The following XPR1 variants were observed in gnomAD, a reference collection of about 807,000 sequenced individuals.
The protein encoded by XPR1 is solute carrier family 53 member 1.
Under a neutral mutation model 87.5 loss-of-function variants are expected in XPR1, and 28 were observed. The observed-to-expected ratio is 0.32, with a 90% CI of 0.24 to 0.44. The LOEUF (loss-of-function observed/expected upper bound fraction) is 0.44, where lower values mean the gene tolerates loss of function less well. Ranked by LOEUF, XPR1 falls within the 20% of genes least tolerant of loss-of-function variation. The pLI is 1.00. For missense variants in XPR1, 559 were observed against 862.3 expected (o/e 0.65, Z 4.41); for synonymous variants, 300 against 306.1 (o/e 0.98, Z 0.21).
rs1015913889 is a variant in XPR1 at position 180,886,184 on chromosome 1, A to C, written c.*2118A>C. On this transcript the variant is annotated 3_prime_UTR_variant, in exon 15 of 15. Coordinates refer to ENST00000367590, the MANE Select transcript of XPR1 (RefSeq NM_004736.4). The stretch of plus-strand genomic sequence containing the variant: ...TTAAAGGTTGCATTATTTATACTTG[A>C]GATTTTTTTCCCCTAACTATTCTGT... 1 of 152,182 alleles carries C rather than the reference A, an allele frequency of 6.6e-6. No homozygotes were observed. The highest frequency in any genetic ancestry group is 2.4e-5 in the African/African-American group (1 of 41,440). The allele number at this position is 152,182 out of a possible 1,614,324, so 9.4% of individuals were successfully genotyped here.
intron 2 of XPR1, among the ~76,000 whole-genome samples, chr1:180,717,690 C>T (rs6692550): frequency 0.034 from 5,239 of 152,152 alleles, 137 homozygotes; most frequent in African/African-American, 0.072. Flanking sequence ...TTTAGTGGCA[C>T]GCTGGAACTG....
At chr1:180,701,445 A>G (rs1657327882) in intron 2 of XPR1, among the ~76,000 whole-genome samples, 1 of 129,022 alleles carries the variant, frequency 7.8e-6, no homozygotes. Flanking sequence ...GAATTTTGTC[A>G]AAGGCTTTTT....
chr1:180,648,234 GTA>G (rs1206564406), intron 1 of XPR1, among the ~76,000 whole-genome samples: 1 of 152,200 alleles, frequency 6.6e-6, no homozygotes, highest in Non-Finnish European at 1.5e-5. Flanking sequence ...GTATTTGTGT[GTA>G]TATCTCTCAT....
chr1:180,635,344 A>G (rs931091595), intron 1 of XPR1, among the ~76,000 whole-genome samples: 3 of 152,220 alleles, frequency 2.0e-5, no homozygotes, highest in African/African-American at 7.2e-5. Context: ...TAAAATTTAG[A>G]ATTAGTGACT....
intron 1 of XPR1, among the ~76,000 whole-genome samples, chr1:180,674,893 A>C (rs1158176731): frequency 6.6e-6 from 1 of 152,160 alleles, no homozygotes; most frequent in Non-Finnish European, 1.5e-5. Flanking sequence ...TCAGCACCAC[A>C]TTGATGTTAC....
At chr1:180,768,080 G>A (rs12067633) in intron 2 of XPR1, among the ~76,000 whole-genome samples, 6,542 of 152,046 alleles carry the variant, frequency 0.043, 502 homozygotes, top group African/African-American at 0.15. Context: ...TCCTGACCTC[G>A]TGATCCACCC....
Position 180,855,688 on chromosome 1 carries a change from G to C in XPR1, c.1502-8020G>C, listed in dbSNP as rs569420552. Among the ~76,000 whole-genome samples, 28 of 151,044 alleles carry C rather than the reference G, an allele frequency of 1.9e-4. No individual in the cohort carries two copies. In the East Asian group the frequency reaches 5.5e-3, roughly 29 times the overall value. ...AAAAAAAAAAAAAAAGTGGGGGGAG[G>C]GGGGACGGTTTTACTATAACTTTCA... On this transcript the variant is annotated intron_variant, in intron 11 of 14. Coordinates refer to ENST00000367590, the MANE Select transcript of XPR1 (RefSeq NM_004736.4).
chr1:180,765,332 ATCT>A lies in XPR1; in HGVS notation c.122-22416_122-22414del, dbSNP rs1157627057. Among the ~76,000 whole-genome samples the A allele has an allele frequency of 8.5e-5, 13 of 152,286 alleles. No individual in the cohort carries two copies. In the South Asian group the frequency reaches 1.0e-3, roughly 12 times the overall value. The stretch of plus-strand genomic sequence containing the variant: ...ATTTGCCTCAATGCCAGCCAATCTA[ATCT>A]TCTTACTAACTTGCTCATGCATTAT... On this transcript the variant is annotated intron_variant, in intron 2 of 14. Transcript: ENST00000367590.
intron 1 of XPR1, among the ~76,000 whole-genome samples, chr1:180,655,950 C>G (rs867252499): frequency 3.3e-5 from 5 of 152,132 alleles, no homozygotes; most frequent in African/African-American, 7.2e-5. Flanking sequence ...GCTATTCTCT[C>G]TCTTACAAAC....
intron 2 of XPR1, among the ~76,000 whole-genome samples, chr1:180,784,838 C>G (rs571427271): frequency 6.6e-6 from 1 of 151,930 alleles, no homozygotes; most frequent in South Asian, 2.1e-4. Context: ...GTTCTTTTTG[C>G]TGTGTTTTTC....
chr1:180,656,166 T>G (rs976446957), intron 1 of XPR1, among the ~76,000 whole-genome samples: 12 of 150,344 alleles, frequency 8.0e-5, no homozygotes, highest in Non-Finnish European at 1.8e-4. Context: ...TGGTTTTAAT[T>G]TTTAGCTTCC....
chr1:180,714,349 T>TTCTCTCTCTCTCCC (rs1657907097), intron 2 of XPR1, among the ~76,000 whole-genome samples: 1 of 72,098 alleles, frequency 1.4e-5, no homozygotes, highest in African/African-American at 5.5e-5. Flanking sequence ...TTTTTCCCTG[T>TTCTCTCTCTCTCCC]TCTCTCTCTC....
At chr1:180,632,294 G>A in intron 1 of XPR1, 24 bp downstream of exon 1, 1 of 1,603,658 alleles carries the variant, frequency 6.2e-7, no homozygotes, top group Non-Finnish European at 8.5e-7. Flanking sequence ...TGGGGTGTGG[G>A]AGGACTCGGA....
chr1:180,836,676 C>T lies in XPR1; in HGVS notation c.1461C>T (p.Phe487=). Residue 487 remains phenylalanine (F), a synonymous_variant, in exon 11 of 15, where the codon TTC becomes TTT. Coordinates refer to ENST00000367590, the MANE Select transcript of XPR1 (RefSeq NM_004736.4). The part of the protein sequence containing the change: ...LVNAGKYSTT[F]FMVTFAALYS... ...ATGCTGGCAAATACTCCACAACTTT[C>T]TTCATGGTGACGTTTGCAGCCCTTT... The T allele has an allele frequency of 6.2e-7, 1 of 1,614,102 alleles. No homozygotes were observed. Among genetic ancestry groups the T allele is most frequent in the Non-Finnish European group, 8.5e-7 (1 of 1,180,030 alleles).
chr1:180,825,397 T>C, intron 9 of XPR1, 53 bp downstream of exon 9: 2 of 1,545,072 alleles, frequency 1.3e-6, no homozygotes, highest in East Asian at 2.2e-5. Flanking sequence ...GGTTATTGAC[T>C]TCCTCTAAGA....
At position 180,632,096 on chromosome 1, in the gene XPR1, C is replaced by T. The variant is rs1051388923; in HGVS notation, c.-106C>T. 9 of 1,383,472 alleles carry T rather than the reference C, an allele frequency of 6.5e-6. No homozygotes were observed. Among genetic ancestry groups the T allele is most frequent in the Admixed American group, 2.0e-5 (1 of 50,762 alleles). 85.7% of individuals were successfully genotyped at this position (1,383,472 alleles called of 1,614,324 possible). A position where few individuals can be genotyped will look rare whatever the true frequency, so the allele number is the denominator to read the frequency against. On this transcript the variant is annotated 5_prime_UTR_variant, in exon 1 of 15. Coordinates refer to ENST00000367590, the MANE Select transcript of XPR1 (RefSeq NM_004736.4). ...GCGGCGGCGGAGGAGGAGAGAAGCGCAGCGCCGCGCCGCGCCGGGGCCCAT... is the reference window on the plus strand; with the variant it reads ...GCGGCGGCGGAGGAGGAGAGAAGCGTAGCGCCGCGCCGCGCCGGGGCCCAT...
chr1:180,705,862 G>A (rs181380770), intron 2 of XPR1, among the ~76,000 whole-genome samples: 1 of 152,120 alleles, frequency 6.6e-6, no homozygotes, highest in Non-Finnish European at 1.5e-5. Context: ...CAGTTTATTC[G>A]CAATGGCCAT....
intron 1 of XPR1, among the ~76,000 whole-genome samples, chr1:180,647,652 A>G (rs1430875004): frequency 6.6e-6 from 1 of 152,142 alleles, no homozygotes; most frequent in African/African-American, 2.4e-5. Flanking sequence ...TAATCCCAGC[A>G]TTTTGGGAGG....
chr1:180,659,931 A>T (rs1383752461), intron 1 of XPR1, among the ~76,000 whole-genome samples: 1 of 152,046 alleles, frequency 6.6e-6, no homozygotes, highest in African/African-American at 2.4e-5. Flanking sequence ...GAGTAGTGTG[A>T]GTAGGATTGG....
Sources: gnomAD v4.1 joint callset for allele counts (sites outside exome capture counted in the v4.1 genomes callset) on GRCh38, gnomAD v4.1.1 for gene constraint, MANE v1.5 for transcripts, NCBI Gene and HGNC (gene_info 2026-07-23, HGNC 2026-07-21) for gene names.